Variants in CELF2 observed in about 807,000 individuals in gnomAD.
CELF2 encodes CUGBP Elav-like family member 2.
CELF2 carries 8 observed loss-of-function variants against 62.6 expected under a neutral mutation model. The ratio of observed to expected loss-of-function variants is 0.13; its 90% CI spans 0.07 to 0.23. The LOEUF (loss-of-function observed/expected upper bound fraction) is 0.23. CELF2 is among the 10% of genes least tolerant of loss of function. CELF2 has a pLI of 1.00. For missense variants in CELF2, 333 were observed against 671.0 expected, an observed-to-expected ratio of 0.50 and a Z score of 5.56; for synonymous variants, 258 against 250.0, an observed-to-expected ratio of 1.03 and a Z score of -0.30.
chr10:10,610,320 T>C, the CELF2 span, among the ~76,000 whole-genome samples: 3 of 152,146 alleles, frequency 2.0e-5, no homozygotes, highest in African/African-American at 4.8e-5. Context: ...CTACACAGAG[T>C]GCCATCTTCA....
intron 1 of CELF2, among the ~76,000 whole-genome samples, chr10:11,158,953 C>G (rs1489369887): frequency 6.6e-6 from 1 of 152,126 alleles, no homozygotes; most frequent in African/African-American, 2.4e-5. Context: ...TAAGGTAATA[C>G]GTGTGTATGT....
At chr10:11,014,437 A>T (rs2056944506), upstream of CELF2, among the ~76,000 whole-genome samples, 1 of 152,246 alleles carries the variant, frequency 6.6e-6, no homozygotes, top group South Asian at 2.1e-4. Flanking sequence ...ATGGGTCACG[A>T]TATATCAAGC....
chr10:10,513,891 G>C, the CELF2 span, among the ~76,000 whole-genome samples: 1 of 152,046 alleles, frequency 6.6e-6, no homozygotes, highest in African/African-American at 2.4e-5. Context: ...CCTAAGCAAA[G>C]CCTAGGTCCC....
At chr10:11,119,795 A>G (rs2057336741) in intron 1 of CELF2, among the ~76,000 whole-genome samples, 1 of 151,614 alleles carries the variant, frequency 6.6e-6, no homozygotes, top group Non-Finnish European at 1.5e-5. Context: ...CACAGTGATC[A>G]AGAGGATGCA....
At chr10:10,688,393 T>C in the CELF2 span, among the ~76,000 whole-genome samples, 2 of 152,202 alleles carry the variant, frequency 1.3e-5, no homozygotes, top group Non-Finnish European at 2.9e-5. Flanking sequence ...GAAAGAAAGA[T>C]GCTAACAAAT....
In CELF2 at chr10:11,046,222, C is replaced by CGATG. The variant is rs1473973087; in HGVS notation, c.74+28059_74+28060insGATG. Among the ~76,000 whole-genome samples, 2 of 152,178 alleles carry CGATG rather than the reference C, an allele frequency of 1.3e-5. No homozygotes were observed. Among genetic ancestry groups the CGATG allele is most frequent in the Non-Finnish European group, 2.9e-5 (2 of 68,040 alleles). The stretch of plus-strand genomic sequence containing the variant: ...TAACAACACCGAACGCTGGGCCCAT[C>CGATG]CCCAGACGTTCCGATTCAGCGGGTC... On this transcript the variant is annotated intron_variant, in intron 1 of 12. Transcript: ENST00000633077. This position sits in a 1 kb window ranked among gnomAD's most constrained non-coding sequence, Gnocchi z 4.6.
chr10:10,778,539 A>G, the CELF2 span, among the ~76,000 whole-genome samples: 1 of 152,252 alleles, frequency 6.6e-6, no homozygotes. Flanking sequence ...CACATTTCTT[A>G]TAGTTGAGAG....
At chr10:10,989,059 G>A (rs2053144418) in intron 2 of CELF2, among the ~76,000 whole-genome samples, 1 of 152,120 alleles carries the variant, frequency 6.6e-6, no homozygotes, top group Admixed American at 6.6e-5. Flanking sequence ...TAGTTAACAC[G>A]TGGGAACTGT....
chr10:10,909,221 C>T (rs1393963528), intron 1 of CELF2, among the ~76,000 whole-genome samples: 4 of 152,236 alleles, frequency 2.6e-5, no homozygotes, highest in African/African-American at 9.6e-5. Context: ...GAGGTCACCG[C>T]AGCCACACTG....
intron 2 of CELF2, chr10:10,946,565 A>C (rs939385185): frequency 3.3e-5 from 5 of 152,600 alleles, no homozygotes; most frequent in Non-Finnish European, 5.9e-5. Context: ...GTTGGAAATC[A>C]AAAGGTAGGG....
the CELF2 span, among the ~76,000 whole-genome samples, chr10:10,522,663 G>A: frequency 6.6e-6 from 1 of 152,100 alleles, no homozygotes; most frequent in Non-Finnish European, 1.5e-5. Flanking sequence ...TCTGCCTTCT[G>A]GGTTCAAGCA....
At chr10:10,560,360 T>A in the CELF2 span, among the ~76,000 whole-genome samples, 1 of 152,190 alleles carries the variant, frequency 6.6e-6, no homozygotes, top group East Asian at 1.9e-4. Context: ...GGATGGCCCT[T>A]GAAATATAAT....
the CELF2 span, among the ~76,000 whole-genome samples, chr10:10,568,079 A>G: frequency 6.6e-6 from 1 of 152,138 alleles, no homozygotes; most frequent in Non-Finnish European, 1.5e-5. Context: ...CTATAAAGCA[A>G]AGGGTGATAA....
intron 1 of CELF2, among the ~76,000 whole-genome samples, chr10:10,859,800 C>T (rs537726657): frequency 1.1e-4 from 17 of 152,230 alleles, no homozygotes; most frequent in African/African-American, 4.1e-4. Context: ...TACCTAGGAA[C>T]ACCTGCTTAT....
At chr10:11,084,611 G>A (rs1334934718) in intron 1 of CELF2, among the ~76,000 whole-genome samples, 2 of 152,056 alleles carry the variant, frequency 1.3e-5, no homozygotes, top group East Asian at 1.9e-4. Flanking sequence ...TTCACAGTTG[G>A]TATAATTCCC....
intron 1 of CELF2, among the ~76,000 whole-genome samples, chr10:11,125,937 A>G (rs758583043): frequency 6.6e-6 from 1 of 152,192 alleles, no homozygotes; most frequent in African/African-American, 2.4e-5. Context: ...AATGTAAACA[A>G]TTCGTCTCAT....
In CELF2 at chr10:11,162,099, G is replaced by A. The variant is rs530889225; in HGVS notation, c.75-3387G>A. Among the ~76,000 whole-genome samples, 112 of 152,316 alleles carry A rather than the reference G, an allele frequency of 7.4e-4. 1 individual carries two copies. In the South Asian group the frequency reaches 0.022, roughly 30 times the overall value. ...TGTGGGGATTCAGGGCATGTGATTC[G>A]GCAGTGCCAGGAGAGTGGTCGGTGG... On this transcript the variant is annotated intron_variant, in intron 1 of 12. Transcript: ENST00000633077.
At chr10:11,017,810 G>T (rs1351076330), upstream of CELF2, 1 of 320,244 alleles carries the variant, frequency 3.1e-6, no homozygotes, top group Non-Finnish European at 4.5e-6. The surrounding 1 kb of genome is among the most constrained non-coding windows in gnomAD (Gnocchi z 5.5). Flanking sequence ...CCGGGTTCGG[G>T]GCCGCGCTCT....
chr10:10,782,233 G>T, the CELF2 span, among the ~76,000 whole-genome samples: 1 of 152,182 alleles, frequency 6.6e-6, no homozygotes, highest in African/African-American at 2.4e-5. Flanking sequence ...CCCAAGATCT[G>T]CCAGCAGTGA....
Sources: gnomAD v4.1 joint callset for allele counts (sites outside exome capture counted in the v4.1 genomes callset) on GRCh38, gnomAD v4.1.1 for gene constraint, Gnocchi (gnomAD v3.1) non-coding constraint, MANE v1.5 for transcripts, NCBI Gene and HGNC (gene_info 2026-07-23, HGNC 2026-07-21) for gene names.